Variants in SAMD7 observed in about 807,000 individuals in gnomAD.
SAMD7 encodes the protein sterile alpha motif domain containing 7, also known as sterile alpha motif domain-containing protein 7.
In SAMD7, 34 loss-of-function variants were observed where a neutral mutation model predicts 36.7. The ratio of observed to expected loss-of-function variants is 0.93; its 90% CI spans 0.71 to 1.23. The LOEUF is 1.23. Ranked by LOEUF, SAMD7 falls within the 50% of genes most tolerant of loss-of-function variation. The pLI is 0.00. For synonymous variants in SAMD7, 188 were observed against 189.7 expected (o/e 0.99, Z 0.07); for missense variants, 570 against 546.6 (o/e 1.04, Z -0.43).
At chr3:169,937,018 G>A (rs1303704248) in intron 8 of SAMD7, among the ~76,000 whole-genome samples, 2 of 152,152 alleles carry the variant, frequency 1.3e-5, no homozygotes, top group Non-Finnish European at 2.9e-5. Context: ...ATTAAAAAGT[G>A]ATGAGCCTTA....
At position 169,936,329 on chromosome 3, in the gene SAMD7, A is replaced by G. The variant is rs771915408; in HGVS notation, c.1042-10A>G. 2.0e-6 allele frequency: 3 copies of G among 1,524,172 alleles called. No individual in the cohort carries two copies. The highest frequency in any genetic ancestry group is 2.7e-6 in the Non-Finnish European group (3 of 1,100,108). 94.4% of individuals were successfully genotyped at this position (1,524,172 alleles called of 1,614,324 possible). The stretch of plus-strand genomic sequence containing the variant: ...TTCAGACAGAGTTAACACCTTTTGT[A>G]TTTATGAAGGTATTTAAAGATCATG... On this transcript the variant is annotated splice_polypyrimidine_tract_variant and intron_variant, in intron 7 of 8. Transcript: ENST00000335556.
intron 7 of SAMD7, among the ~76,000 whole-genome samples, chr3:169,935,529 T>G (rs971533369): frequency 4.1e-5 from 6 of 145,430 alleles, no homozygotes; most frequent in Non-Finnish European, 9.3e-5. Flanking sequence ...GTTTTGTTTT[T>G]TTAGTTAGGA....
intron 6 of SAMD7, 98 bp from the exon 7 acceptor site, chr3:169,928,359 A>C (rs1713357479): frequency 9.8e-7 from 1 of 1,025,444 alleles, no homozygotes; most frequent in Non-Finnish European, 1.4e-6. Flanking sequence ...GGCGTTTGCA[A>C]ATCAAGACCA....
chr3:169,921,279 G>T lies in SAMD7; in HGVS notation c.152G>T (p.Gly51Val), dbSNP rs267599689. 8 of 1,613,870 alleles carry T rather than the reference G, an allele frequency of 5.0e-6. No homozygotes were observed. The highest frequency in any genetic ancestry group is 6.8e-6 in the Non-Finnish European group (8 of 1,179,922). Residue 51 changes from glycine to valine, a missense_variant, in exon 4 of 9, where the codon GGA becomes GTA. Transcript: ENST00000335556. ...PRQFCVPSQF[G>V]SSVLPNTNMA... ...CAGTTTTGCGTTCCTTCCCAATTTG[G>T]ATCCTCTGTTCTACCAAACACAAAT... is the stretch of plus-strand genomic sequence containing the variant.
chr3:169,925,818 A>T (rs577343125), intron 5 of SAMD7, among the ~76,000 whole-genome samples: 7 of 152,202 alleles, frequency 4.6e-5, no homozygotes, highest in Non-Finnish European at 1.0e-4. Context: ...TAAAATGCCT[A>T]CGACTCCTCT....
chr3:169,918,176 G>A (rs773737073), intron 2 of SAMD7, among the ~76,000 whole-genome samples: 5 of 151,606 alleles, frequency 3.3e-5, no homozygotes, highest in East Asian at 1.9e-4. Context: ...GACCTCAAAC[G>A]ATCCGCCTGC....
chr3:169,915,792 G>T (rs1019956109), intron 2 of SAMD7, among the ~76,000 whole-genome samples: 6 of 151,686 alleles, frequency 4.0e-5, no homozygotes, highest in African/African-American at 1.5e-4. Context: ...TGGCCAGGCT[G>T]GTCTCGAACT....
intron 2 of SAMD7, among the ~76,000 whole-genome samples, chr3:169,917,439 A>T (rs1712852652): frequency 6.6e-6 from 1 of 151,946 alleles, no homozygotes; most frequent in Non-Finnish European, 1.5e-5. Flanking sequence ...TTTATTTTTA[A>T]TTTTTAATTT....
chr3:169,919,039 T>A (rs1452116859), intron 2 of SAMD7, among the ~76,000 whole-genome samples: 1 of 151,932 alleles, frequency 6.6e-6, no homozygotes, highest in Admixed American at 6.6e-5. Flanking sequence ...GCAGCTACTC[T>A]GGAGGCTGAG....
chr3:169,922,692 G>A (rs932581764), intron 4 of SAMD7, among the ~76,000 whole-genome samples: 7 of 152,150 alleles, frequency 4.6e-5, no homozygotes, highest in African/African-American at 1.7e-4. Flanking sequence ...TAGAGACAGA[G>A]TTTCACCCTG....
At chr3:169,914,477 G>T (rs1434186384) in intron 1 of SAMD7, among the ~76,000 whole-genome samples, 1 of 152,190 alleles carries the variant, frequency 6.6e-6, no homozygotes, top group African/African-American at 2.4e-5. Context: ...AGCTGCAGAT[G>T]CCAATGACTC....
intron 7 of SAMD7, among the ~76,000 whole-genome samples, chr3:169,929,285 T>C (rs1412479447): frequency 2.0e-5 from 3 of 152,144 alleles, no homozygotes; most frequent in African/African-American, 4.8e-5. Context: ...TATTTAATAA[T>C]ACAATTCTAA....
At chr3:169,928,230 C>A (rs1713353154) in intron 6 of SAMD7, among the ~76,000 whole-genome samples, 2 of 152,142 alleles carry the variant, frequency 1.3e-5, no homozygotes. Flanking sequence ...CTGGTGCAAA[C>A]CTGGAACTTG....
intron 4 of SAMD7, among the ~76,000 whole-genome samples, chr3:169,923,217 T>G (rs1044143037): frequency 1.3e-5 from 2 of 152,148 alleles, no homozygotes; most frequent in African/African-American, 2.4e-5. Context: ...GGGAAGAGAC[T>G]GGCCTGCCTG....
intron 7 of SAMD7, among the ~76,000 whole-genome samples, chr3:169,928,779 C>T (rs1713373780): frequency 6.6e-6 from 1 of 152,148 alleles, no homozygotes; most frequent in Non-Finnish European, 1.5e-5. Context: ...TCAGGGGAGG[C>T]TGGGAAAGCC....
intron 5 of SAMD7, chr3:169,926,181 C>A: frequency 1.2e-6 from 1 of 861,024 alleles, no homozygotes; most frequent in Non-Finnish European, 1.7e-6. Context: ...GTCTAATTGT[C>A]TTTCTTGAAT....
chr3:169,922,071 A>G (rs1413843132), intron 4 of SAMD7, among the ~76,000 whole-genome samples: 2 of 152,192 alleles, frequency 1.3e-5, no homozygotes, highest in African/African-American at 2.4e-5. Flanking sequence ...GAGTTGAGGA[A>G]GACTGTGGAA....
intron 7 of SAMD7, among the ~76,000 whole-genome samples, chr3:169,934,919 T>G (rs149432945): frequency 1.6e-4 from 25 of 152,278 alleles, no homozygotes; most frequent in African/African-American, 6.0e-4. Context: ...GGGAGCAGCC[T>G]CATGACAGAA....
chr3:169,938,284 A>G, intron 8 of SAMD7, 34 bp from the exon 9 acceptor site: 1 of 1,441,750 alleles, frequency 6.9e-7, no homozygotes, highest in Non-Finnish European at 9.6e-7. Flanking sequence ...AAAAATTCAT[A>G]GAATTGATTA....
Sources: allele counts gnomAD v4.1 joint callset (sites outside exome capture counted in the v4.1 genomes callset), GRCh38; gene constraint gnomAD v4.1.1; transcripts MANE v1.5; gene names NCBI Gene and HGNC (gene_info 2026-07-23, HGNC 2026-07-21).